The following KPNA7 variants were observed in gnomAD, a reference collection of about 807,000 sequenced individuals.
KPNA7 encodes karyopherin subunit alpha 7.
KPNA7 carries 54 observed loss-of-function variants against 53.7 expected under a neutral mutation model. That is an observed-to-expected ratio of 1.01 (90% CI 0.81 to 1.26). The LOEUF is 1.26. Among genes scored for constraint, KPNA7 ranks in the 50% most tolerant of loss-of-function variants. KPNA7 has a pLI of 0.00. For synonymous variants in KPNA7, 276 were observed against 259.3 expected (o/e 1.06, Z -0.62); for missense variants, 640 against 644.5 (o/e 0.99, Z 0.07).
chr7:99,179,266 C>T (rs1312031641), intron 9 of KPNA7, among the ~76,000 whole-genome samples: 2 of 152,018 alleles, frequency 1.3e-5, no homozygotes, highest in African/African-American at 4.8e-5. Flanking sequence ...TATAAAAGAA[C>T]CTTAGCTAAG....
At chr7:99,151,797 A>C in the KPNA7 span, among the ~76,000 whole-genome samples, 1 of 152,114 alleles carries the variant, frequency 6.6e-6, no homozygotes, top group African/African-American at 2.4e-5. Flanking sequence ...CAATGTGGTA[A>C]CATGCAAGGA....
the KPNA7 span, among the ~76,000 whole-genome samples, chr7:99,163,703 TATAACAA>T: frequency 0.012 from 1,774 of 152,124 alleles, 31 homozygotes; most frequent in African/African-American, 0.041. Context: ...GTATTTTATA[TATAACAA>T]ATATTACCTA....
Position 99,173,646 on chromosome 7 carries a change from C to T in KPNA7, c.*62G>A, listed in dbSNP as rs1026648371. The T allele has an allele frequency of 3.8e-6, 4 of 1,054,188 alleles. No homozygotes were observed. In the African/African-American group the frequency reaches 6.3e-5, roughly 17 times the overall value. 65.3% of individuals were successfully genotyped at this position (1,054,188 alleles called of 1,614,324 possible). ...TGGGTTACACTAAGATAGAGGACTG[C>T]TGCTTCTTAAAGAAGTTATCCTTTA... On this transcript the variant is annotated 3_prime_UTR_variant, in exon 11 of 11. Coordinates refer to ENST00000327442, the MANE Select transcript of KPNA7 (RefSeq NM_001145715.3).
chr7:99,154,381 G>A, the KPNA7 span, among the ~76,000 whole-genome samples: 2 of 151,822 alleles, frequency 1.3e-5, no homozygotes, highest in Non-Finnish European at 1.5e-5. Context: ...CGCCCACCTT[G>A]GCCTCCCAAA....
At chr7:99,196,503 C>G (rs1372496183) in intron 3 of KPNA7, among the ~76,000 whole-genome samples, 4 of 152,196 alleles carry the variant, frequency 2.6e-5, no homozygotes, top group African/African-American at 9.6e-5. Flanking sequence ...AAAGAGAAAA[C>G]TGACAAAAAT....
At chr7:99,197,676 A>G (rs1236663680) in intron 3 of KPNA7, among the ~76,000 whole-genome samples, 1 of 152,238 alleles carries the variant, frequency 6.6e-6, no homozygotes, top group East Asian at 1.9e-4. Flanking sequence ...GGAGAATACA[A>G]TAACTGAAAC....
chr7:99,176,285 G>A (rs544345515), intron 10 of KPNA7, among the ~76,000 whole-genome samples: 11 of 119,170 alleles, frequency 9.2e-5, no homozygotes, highest in South Asian at 3.0e-4. Flanking sequence ...GCAGCTGAGC[G>A]AGACTACGTC....
At chr7:99,209,157 G>T (rs563249611), upstream of KPNA7, among the ~76,000 whole-genome samples, 1 of 151,658 alleles carries the variant, frequency 6.6e-6, no homozygotes, top group South Asian at 2.1e-4. Flanking sequence ...GTCTCAAAAA[G>T]AAAAAGAAAA....
At chr7:99,176,727 G>A (rs1798921472) in intron 10 of KPNA7, among the ~76,000 whole-genome samples, 1 of 151,854 alleles carries the variant, frequency 6.6e-6, no homozygotes, top group Non-Finnish European at 1.5e-5. Context: ...AAATACAAAA[G>A]TTAGCTGCCG....
downstream of KPNA7, among the ~76,000 whole-genome samples, chr7:99,170,492 G>A (rs1249226333): frequency 6.6e-6 from 1 of 152,084 alleles, no homozygotes; most frequent in African/African-American, 2.4e-5. Flanking sequence ...GTGGTGGCAG[G>A]GGAGATAATT....
downstream of KPNA7, among the ~76,000 whole-genome samples, chr7:99,169,610 C>G (rs558186592): frequency 4.9e-4 from 74 of 151,178 alleles, 1 homozygote; most frequent in Non-Finnish European, 9.3e-4. Context: ...GAGCATGATT[C>G]CATCTCAAAA....
chr7:99,207,588 G>A, intron 1 of KPNA7, 99 bp from the exon 2 acceptor site: 1 of 390,006 alleles, frequency 2.6e-6, no homozygotes, highest in South Asian at 2.0e-5. Flanking sequence ...TCACAGTGGA[G>A]CAAAGGGCAG....
upstream of KPNA7, among the ~76,000 whole-genome samples, chr7:99,209,284 G>A (rs1036141665): frequency 6.6e-6 from 1 of 152,016 alleles, no homozygotes; most frequent in Non-Finnish European, 1.5e-5. Context: ...CAGCACATGG[G>A]GTCAGGACAG....
intron 7 of KPNA7, among the ~76,000 whole-genome samples, chr7:99,187,232 G>A (rs965780768): frequency 1.3e-5 from 2 of 152,128 alleles, no homozygotes; most frequent in African/African-American, 4.8e-5. Context: ...GGAGGTTGCA[G>A]TGAGCCAAGA....
chr7:99,215,296 C>A (rs576807020), intron 1 of KPNA7, among the ~76,000 whole-genome samples: 12 of 130,982 alleles, frequency 9.2e-5, no homozygotes, highest in African/African-American at 3.2e-4. Context: ...CGCTTGAACC[C>A]GGGAGGCAGA....
intron 9 of KPNA7, among the ~76,000 whole-genome samples, chr7:99,180,832 CGT>C (rs1799177156): frequency 9.5e-5 from 2 of 20,972 alleles, no homozygotes; most frequent in African/African-American, 3.2e-4. Context: ...TCTCTCTCCC[CGT>C]CTGTCTCTCT....
intron 1 of KPNA7, among the ~76,000 whole-genome samples, chr7:99,215,080 A>G (rs1408606119): frequency 6.6e-6 from 1 of 152,042 alleles, no homozygotes; most frequent in Non-Finnish European, 1.5e-5. Flanking sequence ...CCTGGAAGCC[A>G]TGGCTATTAG....
At chr7:99,163,379 ATATAT>A in the KPNA7 span, among the ~76,000 whole-genome samples, 6 of 58,828 alleles carry the variant, frequency 1.0e-4, no homozygotes, top group South Asian at 7.1e-4. Context: ...ATATATATAT[ATATAT>A]TTTTTTTTTT....
intron 9 of KPNA7, among the ~76,000 whole-genome samples, chr7:99,180,548 C>T (rs537165259): frequency 0.083 from 3,132 of 37,600 alleles, 66 homozygotes; most frequent in African/African-American, 0.1. Context: ...CGTCTGTCTC[C>T]GTCTGTCTCT....
Sources: gnomAD v4.1 joint callset for allele counts (sites outside exome capture counted in the v4.1 genomes callset) on GRCh38, gnomAD v4.1.1 for gene constraint, MANE v1.5 for transcripts, NCBI Gene and HGNC (gene_info 2026-07-23, HGNC 2026-07-21) for gene names.